SUMF1: variants seen among roughly 807,000 people sequenced by gnomAD.
SUMF1 encodes the protein formylglycine-generating enzyme.
In SUMF1, 48 loss-of-function variants were observed where a neutral mutation model predicts 47.6. That is an observed-to-expected ratio of 1.01 (90% CI 0.80 to 1.28). The LOEUF is 1.28. SUMF1 is among the 50% of genes most tolerant of loss of function. The pLI is 0.00. For synonymous variants in SUMF1, 230 were observed against 192.1 expected (o/e 1.20, Z -1.63); for missense variants, 571 against 485.4 (o/e 1.18, Z -1.66).
chr3:4,296,119 TA>T (rs567747703), intron 8 of SUMF1, among the ~76,000 whole-genome samples: 2,457 of 130,290 alleles, frequency 0.019, 40 homozygotes, highest in East Asian at 0.043. Context: ...TTTGCTTTTT[TA>T]AAAAAAAAAC....
intron 3 of SUMF1, among the ~76,000 whole-genome samples, chr3:4,444,245 A>G (rs1460569225): frequency 6.6e-6 from 1 of 152,236 alleles, no homozygotes; most frequent in Non-Finnish European, 1.5e-5. Context: ...TATAAAGAGC[A>G]CTAACAAACT....
At chr3:4,188,138 C>T (rs546631297) in intron 8 of SUMF1, among the ~76,000 whole-genome samples, 64 of 151,806 alleles carry the variant, frequency 4.2e-4, no homozygotes, top group African/African-American at 1.4e-3. Context: ...TACACAGACA[C>T]ATCATAATCT....
intron 8 of SUMF1, among the ~76,000 whole-genome samples, chr3:4,293,467 G>A (rs1176972418): frequency 1.3e-5 from 2 of 152,150 alleles, no homozygotes; most frequent in Admixed American, 1.3e-4. Context: ...AAGATAAAGA[G>A]AATAGAATTA....
At chr3:4,253,237 A>C (rs313674) in intron 8 of SUMF1, among the ~76,000 whole-genome samples, 24,942 of 152,166 alleles carry the variant, frequency 0.16, 2,338 homozygotes, top group South Asian at 0.39. Flanking sequence ...CATTGGAAAA[A>C]AAATGGAAAT....
chr3:4,218,415 T>A (rs904003383), intron 8 of SUMF1, among the ~76,000 whole-genome samples: 1 of 152,116 alleles, frequency 6.6e-6, no homozygotes, highest in Non-Finnish European at 1.5e-5. Context: ...CCTCCGGGAA[T>A]AATAATTGAT....
chr3:4,197,789 C>A (rs1695460429), intron 8 of SUMF1, among the ~76,000 whole-genome samples: 1 of 151,998 alleles, frequency 6.6e-6, no homozygotes, highest in Non-Finnish European at 1.5e-5. Flanking sequence ...TTCAGAAAAA[C>A]CAAGCAAAAC....
At chr3:4,427,247 C>G (rs546421686) in intron 3 of SUMF1, among the ~76,000 whole-genome samples, 1 of 152,288 alleles carries the variant, frequency 6.6e-6, no homozygotes, top group South Asian at 2.1e-4. Context: ...TTTAGACAAG[C>G]AAATTTAAAA....
At chr3:4,097,289 G>A (rs933029325) in intron 8 of SUMF1, among the ~76,000 whole-genome samples, 5 of 152,044 alleles carry the variant, frequency 3.3e-5, no homozygotes, top group African/African-American at 7.2e-5. Context: ...GGTGGCTCAC[G>A]CCTGTAATCC....
At chr3:4,362,935 T>A (rs142478315) in intron 8 of SUMF1, among the ~76,000 whole-genome samples, 1 of 151,830 alleles carries the variant, frequency 6.6e-6, no homozygotes, top group Admixed American at 6.6e-5. Flanking sequence ...AAAAAAACAG[T>A]TAAAATGAAA....
chr3:4,449,279 T>A lies in SUMF1; in HGVS notation c.506A>T (p.Asn169Ile). 1 of 1,614,172 alleles carries A rather than the reference T, an allele frequency of 6.2e-7. No homozygotes were observed. Among genetic ancestry groups the A allele is most frequent in the Admixed American group, 1.7e-5 (1 of 60,030 alleles). Residue 169 changes from asparagine to isoleucine, a missense_variant, in exon 3 of 9, where the codon AAT becomes ATT. Transcript: ENST00000272902. ...AACATTACTTACTGCCTGTTGAATATTGGTCTTCACTTGCTCACTCAACAT... is the reference window on the plus strand; with the variant it reads ...AACATTACTTACTGCCTGTTGAATAATGGTCTTCACTTGCTCACTCAACAT... ...EGMLSEQVKT[N>I]IQQAVAAAPW...
chr3:4,106,174 T>TA (rs1185042715), intron 8 of SUMF1, among the ~76,000 whole-genome samples: 1 of 152,056 alleles, frequency 6.6e-6, no homozygotes, highest in Non-Finnish European at 1.5e-5. Context: ...TGCTGGGCCA[T>TA]AAAAAACAAA....
chr3:4,273,218 C>T (rs310697), intron 8 of SUMF1, among the ~76,000 whole-genome samples: 149,033 of 151,872 alleles, frequency 0.98, 73,127 homozygotes, highest in East Asian at 1. Context: ...CAAACACATA[C>T]ACAGGAATGT....
intron 8 of SUMF1, among the ~76,000 whole-genome samples, chr3:4,239,213 C>T (rs1031143050): frequency 1.3e-5 from 2 of 152,052 alleles, no homozygotes; most frequent in African/African-American, 4.8e-5. Flanking sequence ...TAGTGTGATG[C>T]CTCCAGCTTT....
At chr3:4,310,809 A>C (rs1159841570) in intron 8 of SUMF1, among the ~76,000 whole-genome samples, 1 of 152,238 alleles carries the variant, frequency 6.6e-6, no homozygotes, top group African/African-American at 2.4e-5. Flanking sequence ...TGATTTATAT[A>C]GTACCTTAAA....
At chr3:4,044,143 GAAAAT>G (rs900367909) in intron 9 of SUMF1, among the ~76,000 whole-genome samples, 39 of 152,182 alleles carry the variant, frequency 2.6e-4, no homozygotes, top group African/African-American at 9.1e-4. Flanking sequence ...TTGAAGAAAA[GAAAAT>G]AAATAAAAAT....
At chr3:4,265,248 C>T (rs898483670) in intron 8 of SUMF1, among the ~76,000 whole-genome samples, 3 of 150,704 alleles carry the variant, frequency 2.0e-5, no homozygotes, top group Non-Finnish European at 4.4e-5. Flanking sequence ...TATTCTATTT[C>T]TGCTCATGTT....
At chr3:4,117,642 T>C (rs1693452331) in intron 8 of SUMF1, among the ~76,000 whole-genome samples, 2 of 152,062 alleles carry the variant, frequency 1.3e-5, no homozygotes, top group African/African-American at 4.8e-5. Context: ...GATTTCTTTA[T>C]CAAGAATGAG....
chr3:4,277,881 G>A (rs1326118103), intron 8 of SUMF1, among the ~76,000 whole-genome samples: 1 of 152,118 alleles, frequency 6.6e-6, no homozygotes, highest in Non-Finnish European at 1.5e-5. Flanking sequence ...AAGTTTTAAG[G>A]TATTGACGTG....
chr3:4,266,210 C>T (rs140380427), intron 8 of SUMF1, among the ~76,000 whole-genome samples: 8,274 of 152,198 alleles, frequency 0.054, 415 homozygotes, highest in African/African-American at 0.13. Context: ...CTTGGCCACA[C>T]GGGCTCTTTT....
Sources: gnomAD v4.1 joint callset for allele counts (sites outside exome capture counted in the v4.1 genomes callset) on GRCh38, gnomAD v4.1.1 for gene constraint, MANE v1.5 for transcripts, NCBI Gene and HGNC (gene_info 2026-07-23, HGNC 2026-07-21) for gene names.